Variants in TCF3 observed in about 807,000 individuals in gnomAD.
The protein encoded by TCF3 is transcription factor 3.
Under a neutral mutation model 72.3 loss-of-function variants are expected in TCF3, and 54 were observed. The observed-to-expected ratio is 0.75, with a 90% CI of 0.60 to 0.94. TCF3 has a LOEUF of 0.94. Ranked by LOEUF, TCF3 falls within the 40% of genes least tolerant of loss-of-function variation. The probability of loss-of-function intolerance (pLI) is 0.00; values close to 1 mark genes in which losing one functional copy is unlikely to be tolerated. For synonymous variants in TCF3, 525 were observed against 412.6 expected, an observed-to-expected ratio of 1.27 and a Z score of -3.30; for missense variants, 1,078 against 934.4, an observed-to-expected ratio of 1.15 and a Z score of -2.00.
intron 2 of TCF3, among the ~76,000 whole-genome samples, chr19:1,648,359 G>A (rs1342815669): frequency 6.6e-6 from 1 of 152,176 alleles, no homozygotes; most frequent in African/African-American, 2.4e-5. Flanking sequence ...CCCGAGGGGG[G>A]ACGCCCGGAG....
Position 1,627,347 on chromosome 19 carries a change from C to T in TCF3, c.366+12G>A, listed in dbSNP as rs370827964. On this transcript the variant is annotated intron_variant, in intron 6 of 18. Transcript: ENST00000262965. ...AATCAAAATACACCCCAGCCCGGCC[C>T]GAGCCCCTCACCTGAGTCAGGCCGC... The T allele has an allele frequency of 6.1e-5, 98 of 1,605,512 alleles. No homozygotes were observed. Among genetic ancestry groups the T allele is most frequent in the African/African-American group, 1.7e-4 (13 of 74,840 alleles).
chr19:1,632,075 G>T lies in TCF3; in HGVS notation c.261C>A (p.Ser87Arg). 6.2e-7 allele frequency: 1 copy of T among 1,613,532 alleles called. No homozygotes were observed. The highest frequency in any genetic ancestry group is 8.5e-7 in the Non-Finnish European group (1 of 1,179,866). Residue 87 changes from serine to arginine, a missense_variant, in exon 5 of 19, where the codon AGC becomes AGA. Coordinates refer to ENST00000262965, the MANE Select transcript of TCF3 (RefSeq NM_003200.5). ...GTCCCAGGAATGTGGATGAAGAGAG[G>T]CTGCTGTGCGACTCAGTGAAGTGGG... The part of the protein sequence containing the change: ...EGTHFTESHS[S>R]LSSSTFLGPG...
At chr19:1,623,436 G>A (rs934730447) in intron 8 of TCF3, among the ~76,000 whole-genome samples, 4 of 150,784 alleles carry the variant, frequency 2.7e-5, no homozygotes, top group Non-Finnish European at 5.9e-5. Flanking sequence ...CAGGCTGGAG[G>A]GCAGCGGCAT....
Position 1,650,288 on chromosome 19 carries a change from C to T in TCF3, c.-39-1G>A. ...GGCGGGCACCTCAGGCCTGGAAACCCTGCTTGGTGGATGTGGGGACAGATG... is the reference window on the plus strand; with the variant it reads ...GGCGGGCACCTCAGGCCTGGAAACCTTGCTTGGTGGATGTGGGGACAGATG... On this transcript the variant is annotated splice_acceptor_variant, in intron 1 of 18. Coordinates refer to ENST00000262965, the MANE Select transcript of TCF3 (RefSeq NM_003200.5). LOFTEE classifies it low-confidence loss of function (5UTR_SPLICE). 1.3e-6 allele frequency: 2 copies of T among 1,538,734 alleles called. No homozygotes were observed. The highest frequency in any genetic ancestry group is 1.2e-5 in the South Asian group (1 of 84,000).
Position 1,610,538 on chromosome 19 carries a change from TC to T in TCF3, c.*1168del. 4.3e-6 allele frequency: 1 copy of T among 231,072 alleles called. No homozygotes were observed. The highest frequency in any genetic ancestry group is 8.6e-6 in the Non-Finnish European group (1 of 116,940). 14.3% of individuals were successfully genotyped at this position (231,072 alleles called of 1,614,324 possible). A position where few individuals can be genotyped will look rare whatever the true frequency, so the allele number is the denominator to read the frequency against. On this transcript the variant is annotated 3_prime_UTR_variant, in exon 19 of 19. Transcript: ENST00000262965. ...AGTGAAGGACAGGGTGTCCAGGAGG[TC>T]CCCAGCACCGGGCTCCAGGGTGTGG...
chr19:1,621,327 T>C, intron 11 of TCF3, 136 bp from the exon 12 acceptor site: 2 of 1,103,394 alleles, frequency 1.8e-6, no homozygotes, highest in South Asian at 1.6e-5. Flanking sequence ...CCGGTTTCTG[T>C]CTGACCCCCT....
At chr19:1,634,605 C>A (rs1454335588) in intron 3 of TCF3, among the ~76,000 whole-genome samples, 3 of 152,226 alleles carry the variant, frequency 2.0e-5, no homozygotes, top group East Asian at 3.9e-4. Flanking sequence ...ATGCTCCAGG[C>A]TGGTGGTTTC....
At chr19:1,639,470 G>A (rs2145279443) in intron 3 of TCF3, among the ~76,000 whole-genome samples, 1 of 152,300 alleles carries the variant, frequency 6.6e-6, no homozygotes, top group South Asian at 2.1e-4. Flanking sequence ...ACAGAACAGA[G>A]GGGGATGGCG....
chr19:1,644,020 G>C (rs2065706377), intron 3 of TCF3, among the ~76,000 whole-genome samples: 1 of 152,224 alleles, frequency 6.6e-6, no homozygotes, highest in African/African-American at 2.4e-5. Flanking sequence ...CACTGTTCCA[G>C]GAAGAAGCCG....
rs908779623 is a variant in TCF3 at position 1,614,716 on chromosome 19, C to T, written c.1822+569G>A. On this transcript the variant is annotated intron_variant, in intron 18 of 18. Coordinates refer to ENST00000262965, the MANE Select transcript of TCF3 (RefSeq NM_003200.5). This position sits in a 1 kb window ranked among gnomAD's most constrained non-coding sequence, Gnocchi z 5.6. ...GGGGGAAGGAGTCAGCTCACATCTGCGGGTGGGGACAGGGTCTGTCTGTAT... is the reference window on the plus strand; with the variant it reads ...GGGGGAAGGAGTCAGCTCACATCTGTGGGTGGGGACAGGGTCTGTCTGTAT... 2.6e-5 allele frequency among the ~76,000 whole-genome samples: 4 copies of T among 152,028 alleles called. No individual in the cohort carries two copies. The highest frequency in any genetic ancestry group is 1.9e-4 in the East Asian group (1 of 5,176).
At chr19:1,647,579 G>T (rs1315888101) in intron 2 of TCF3, among the ~76,000 whole-genome samples, 1 of 152,214 alleles carries the variant, frequency 6.6e-6, no homozygotes, top group Admixed American at 6.5e-5. Context: ...CACCCGCGCT[G>T]AAGGCAGTGT....
intron 3 of TCF3, among the ~76,000 whole-genome samples, chr19:1,642,256 GCGCACACACGCA>G (rs150479730): frequency 1.3e-5 from 2 of 150,654 alleles, no homozygotes; most frequent in African/African-American, 4.9e-5. Flanking sequence ...ACACACACGT[GCGCACACACGCA>G]CGCACACGCA....
intron 3 of TCF3, among the ~76,000 whole-genome samples, chr19:1,642,356 G>C (rs1297898512): frequency 2.0e-5 from 3 of 152,196 alleles, no homozygotes; most frequent in Admixed American, 6.5e-5. Context: ...GGTGGAATCT[G>C]ATCAGGATCT....
In TCF3 at chr19:1,609,340, A is replaced by G. The variant is rs1290568929; in HGVS notation, c.*2367T>C. On this transcript the variant is annotated 3_prime_UTR_variant, in exon 19 of 19. Transcript: ENST00000262965. The stretch of plus-strand genomic sequence containing the variant: ...TTGCTACAGTGCTGTTATATACAGG[A>G]CAGGTCTCTGAATCCACCTGAAAGA... 2.1e-5 allele frequency: 4 copies of G among 194,156 alleles called. No individual in the cohort carries two copies. The highest frequency in any genetic ancestry group is 3.2e-5 in the Non-Finnish European group (3 of 93,404). The allele number at this position is 194,156 out of a possible 1,614,324, so 12.0% of individuals were successfully genotyped here.
chr19:1,631,668 G>A (rs1010758105), intron 5 of TCF3, among the ~76,000 whole-genome samples: 10 of 152,140 alleles, frequency 6.6e-5, no homozygotes, highest in Non-Finnish European at 1.3e-4. Flanking sequence ...GCACACTCTG[G>A]CCGCCCTCCC....
Position 1,621,912 on chromosome 19 carries a change from G to A in TCF3, c.881C>T (p.Ser294Phe), listed in dbSNP as rs779038552. The change falls in exon 11 of 19, where the codon TCC (serine) becomes TTC (phenylalanine). Residue 294 changes from serine (S) to phenylalanine (F), a missense_variant. Transcript: ENST00000262965. ...NGGLPSASSF[S>F]SAPGATYGGV... ...GCCGTACGTGGCTCCGGGGGCTGAG[G>A]AGAAGGAGGATGCAGATGGGAGCCC... 11 of 1,601,800 alleles carry A rather than the reference G, an allele frequency of 6.9e-6. No individual in the cohort carries two copies. Among genetic ancestry groups the A allele is most frequent in the Middle Eastern group, 1.7e-4 (1 of 6,018 alleles).
At chr19:1,644,516 C>T (rs2065790017) in intron 3 of TCF3, among the ~76,000 whole-genome samples, 1 of 152,216 alleles carries the variant, frequency 6.6e-6, no homozygotes, top group Admixed American at 6.5e-5. Context: ...AAGCCTCCGC[C>T]CTAACGTGTG....
intron 16 of TCF3, among the ~76,000 whole-genome samples, chr19:1,616,187 G>A (rs1270422351): frequency 1.3e-5 from 2 of 152,126 alleles, no homozygotes; most frequent in Non-Finnish European, 2.9e-5. Context: ...CACTTCGGAT[G>A]GGCACAGTGG....
intron 3 of TCF3, among the ~76,000 whole-genome samples, chr19:1,640,264 G>A (rs1469513933): frequency 3.9e-5 from 6 of 152,076 alleles, no homozygotes; most frequent in Non-Finnish European, 2.9e-5. Context: ...GGCCGGGCTC[G>A]GTGGCTCATG....
Sources: gnomAD v4.1 joint callset for allele counts (sites outside exome capture counted in the v4.1 genomes callset) on GRCh38, gnomAD v4.1.1 for gene constraint, Gnocchi (gnomAD v3.1) non-coding constraint, MANE v1.5 for transcripts, NCBI Gene and HGNC (gene_info 2026-07-23, HGNC 2026-07-21) for gene names.